Variants in SYT16 observed in about 807,000 individuals in gnomAD.
SYT16 encodes the protein synaptotagmin-16.
Under a neutral mutation model 61.4 loss-of-function variants are expected in SYT16, and 42 were observed. The observed-to-expected ratio is 0.68, with a 90% CI of 0.53 to 0.89. The LOEUF (loss-of-function observed/expected upper bound fraction) is 0.89. Ranked by LOEUF, SYT16 falls within the 40% of genes least tolerant of loss-of-function variation. SYT16 has a pLI of 0.00. For missense variants in SYT16, 804 were observed against 807.3 expected (o/e 1.00, Z 0.05); for synonymous variants, 314 against 302.3 (o/e 1.04, Z -0.40).
At chr14:62,032,482 A>G (rs2054344165) in intron 3 of SYT16, among the ~76,000 whole-genome samples, 1 of 152,086 alleles carries the variant, frequency 6.6e-6, no homozygotes, top group South Asian at 2.1e-4. Context: ...AATATCCATT[A>G]GCTTAGGATG....
At chr14:61,906,389 C>G (rs576411477) in intron 1 of SYT16, among the ~76,000 whole-genome samples, 1 of 152,172 alleles carries the variant, frequency 6.6e-6, no homozygotes, top group Non-Finnish European at 1.5e-5. Flanking sequence ...TTCAAGCGAT[C>G]CTCCCATCTC....
At chr14:61,875,956 C>T (rs532889560) in intron 1 of SYT16, among the ~76,000 whole-genome samples, 47 of 152,274 alleles carry the variant, frequency 3.1e-4, no homozygotes, top group Non-Finnish European at 5.1e-4. Flanking sequence ...TGACCACTGC[C>T]TTGTTAGGTT....
intron 1 of SYT16, chr14:61,865,011 A>G: frequency 1.4e-6 from 2 of 1,415,086 alleles, no homozygotes; most frequent in Non-Finnish European, 2.0e-6. Flanking sequence ...TTGCTCTTTG[A>G]TGCCCTGAGA....
At chr14:61,915,273 C>G (rs1016366332) in intron 1 of SYT16, among the ~76,000 whole-genome samples, 3 of 152,032 alleles carry the variant, frequency 2.0e-5, no homozygotes, top group African/African-American at 4.8e-5. Context: ...CAACAAAGAC[C>G]CTGTTCTCAA....
intron 1 of SYT16, among the ~76,000 whole-genome samples, chr14:61,875,324 C>T (rs552469559): frequency 6.6e-6 from 1 of 152,194 alleles, no homozygotes; most frequent in Admixed American, 6.5e-5. Flanking sequence ...GGTTACATTC[C>T]TAGTTGGAAG....
intron 1 of SYT16, among the ~76,000 whole-genome samples, chr14:61,831,246 G>A (rs1039011774): frequency 1.3e-5 from 2 of 152,192 alleles, no homozygotes; most frequent in African/African-American, 4.8e-5. Flanking sequence ...GAGGGACAGA[G>A]AGCAGACTTT....
chr14:61,894,794 T>C (rs2048268952), intron 1 of SYT16, among the ~76,000 whole-genome samples: 1 of 152,246 alleles, frequency 6.6e-6, no homozygotes, highest in South Asian at 2.1e-4. Context: ...GAAACCATCA[T>C]GTTTTTAAAA....
At chr14:61,942,613 A>G (rs752136164) in intron 1 of SYT16, among the ~76,000 whole-genome samples, 34 of 152,204 alleles carry the variant, frequency 2.2e-4, no homozygotes, top group Non-Finnish European at 4.4e-4. Flanking sequence ...GATCCTGTCA[A>G]TGATATGTAC....
intron 2 of SYT16, among the ~76,000 whole-genome samples, chr14:61,972,668 A>C (rs897499530): frequency 6.6e-6 from 1 of 152,172 alleles, no homozygotes; most frequent in Non-Finnish European, 1.5e-5. Context: ...ATTTGCCTTA[A>C]TTATCCTCAG....
chr14:62,084,086 G>T, intron 6 of SYT16, 110 bp from the exon 7 acceptor site: 1 of 1,323,742 alleles, frequency 7.6e-7, no homozygotes. Context: ...AGTCATCTTT[G>T]GCAGTCATTG....
intron 1 of SYT16, among the ~76,000 whole-genome samples, chr14:61,854,124 G>A (rs965197829): frequency 2.0e-4 from 30 of 151,952 alleles, no homozygotes; most frequent in African/African-American, 6.8e-4. Context: ...ATACACATAT[G>A]CACATACACA....
intron 1 of SYT16, among the ~76,000 whole-genome samples, chr14:61,901,963 T>C (rs1217408727): frequency 6.6e-6 from 1 of 152,066 alleles, no homozygotes; most frequent in East Asian, 1.9e-4. Flanking sequence ...GGTTTCGCTA[T>C]GTTGGCCAGG....
chr14:61,893,292 G>A (rs943740994), intron 1 of SYT16, among the ~76,000 whole-genome samples: 3 of 152,196 alleles, frequency 2.0e-5, no homozygotes, highest in Non-Finnish European at 2.9e-5. Context: ...TAAAGTTAAC[G>A]CTGGGTATTT....
intron 1 of SYT16, among the ~76,000 whole-genome samples, chr14:61,840,958 G>C (rs2046284841): frequency 6.6e-6 from 1 of 152,184 alleles, no homozygotes; most frequent in South Asian, 2.1e-4. Context: ...GTGTGAAAAG[G>C]AAGAAATAAT....
At chr14:61,870,118 T>C (rs1226389912) in intron 1 of SYT16, among the ~76,000 whole-genome samples, 1 of 152,084 alleles carries the variant, frequency 6.6e-6, no homozygotes, top group East Asian at 1.9e-4. Flanking sequence ...TCTGGTATTA[T>C]TTGCCTTTTA....
At chr14:61,883,342 G>T (rs1168560279) in intron 1 of SYT16, among the ~76,000 whole-genome samples, 1 of 152,062 alleles carries the variant, frequency 6.6e-6, no homozygotes, top group Non-Finnish European at 1.5e-5. Flanking sequence ...ACACTTTACT[G>T]CTTAGAAATT....
intron 1 of SYT16, among the ~76,000 whole-genome samples, chr14:61,841,472 G>T (rs2046298716): frequency 1.3e-5 from 2 of 151,900 alleles, no homozygotes; most frequent in Admixed American, 1.3e-4. Context: ...TCATTTAAAA[G>T]GTTTTTAAAA....
chr14:61,964,619 C>T lies in SYT16; in HGVS notation c.-324-5513C>T, dbSNP rs146844246. On this transcript the variant is annotated intron_variant, in intron 1 of 7. Transcript: ENST00000683842. ...TGACAACAAAGGATTTAGGATGCTG[C>T]GTAAACTTAGTTGATATAGCAGTGG... 6.5e-4 allele frequency among the ~76,000 whole-genome samples: 99 copies of T among 152,192 alleles called. No homozygotes were observed. The East Asian group carries it at 0.014, about 22-fold the overall frequency.
intron 3 of SYT16, among the ~76,000 whole-genome samples, chr14:62,067,994 GA>G (rs898780335): frequency 2.9e-4 from 44 of 151,556 alleles, no homozygotes; most frequent in African/African-American, 1.0e-3. Context: ...TCAAAGAAAA[GA>G]AAAAAAATTA....
Sources: allele counts gnomAD v4.1 joint callset (sites outside exome capture counted in the v4.1 genomes callset), GRCh38; gene constraint gnomAD v4.1.1; transcripts MANE v1.5; gene names NCBI Gene and HGNC (gene_info 2026-07-23, HGNC 2026-07-21).